ADAMTS9: variants seen among roughly 807,000 people sequenced by gnomAD.
ADAMTS9 encodes the protein A disintegrin and metalloproteinase with thrombospondin motifs 9.
In ADAMTS9, 107 loss-of-function variants were observed where a neutral mutation model predicts 257.1. The observed-to-expected ratio is 0.42, with a 90% CI of 0.36 to 0.49. The LOEUF (loss-of-function observed/expected upper bound fraction) is 0.49, where lower values mean the gene tolerates loss of function less well. ADAMTS9 is among the 20% of genes least tolerant of loss of function. The pLI, the probability that ADAMTS9 is intolerant of heterozygous loss-of-function variation, is 0.03. For missense variants in ADAMTS9, 2,353 were observed against 2,469.1 expected (o/e 0.95, Z 1.00); for synonymous variants, 982 against 880.9 (o/e 1.11, Z -2.03).
chr3:64,581,393 T>C (rs1354641804), intron 28 of ADAMTS9, among the ~76,000 whole-genome samples: 1 of 152,110 alleles, frequency 6.6e-6, no homozygotes, highest in Admixed American at 6.6e-5. Context: ...AATCTATTTA[T>C]TTATTTATTT....
At chr3:64,673,832 A>C (rs1701555485) in intron 3 of ADAMTS9, among the ~76,000 whole-genome samples, 2 of 152,228 alleles carry the variant, frequency 1.3e-5, no homozygotes, top group South Asian at 4.1e-4. Context: ...AGCATAAAGA[A>C]AAATAAGCAA....
intron 32 of ADAMTS9, among the ~76,000 whole-genome samples, chr3:64,543,448 C>A (rs1355277801): frequency 6.6e-6 from 1 of 152,194 alleles, no homozygotes; most frequent in African/African-American, 2.4e-5. Flanking sequence ...CCCTGGGATG[C>A]AAGGCTGGTT....
chr3:64,666,803 A>T (rs190099931), intron 3 of ADAMTS9, among the ~76,000 whole-genome samples: 79 of 152,300 alleles, frequency 5.2e-4, no homozygotes, highest in African/African-American at 1.5e-3. Flanking sequence ...AAAACATCTG[A>T]TCTTTATAAA....
Position 64,547,821 on chromosome 3 carries a change from C to T in ADAMTS9, c.4870-869G>A, listed in dbSNP as rs1005227548. On this transcript the variant is annotated intron_variant, in intron 31 of 39. Transcript: ENST00000498707. ...ACAGAAATGCAGAAGAAATACACATCGTTATAGTGTCCCAACTTTCAACCT... is the reference window on the plus strand; with the variant it reads ...ACAGAAATGCAGAAGAAATACACATTGTTATAGTGTCCCAACTTTCAACCT... 5.3e-5 allele frequency among the ~76,000 whole-genome samples: 8 copies of T among 151,888 alleles called. No individual in the cohort carries two copies. The East Asian group carries it at 7.7e-4, about 15-fold the overall frequency.
chr3:64,677,892 C>G (rs1002560427), intron 3 of ADAMTS9, among the ~76,000 whole-genome samples: 4 of 152,226 alleles, frequency 2.6e-5, no homozygotes, highest in South Asian at 2.1e-4. Context: ...AGAAACGGAA[C>G]TGTAGACTCC....
intron 22 of ADAMTS9, among the ~76,000 whole-genome samples, chr3:64,611,235 A>G (rs2084661353): frequency 6.6e-6 from 1 of 152,222 alleles, no homozygotes; most frequent in Non-Finnish European, 1.5e-5. Flanking sequence ...CCAAAGGTAG[A>G]AACAACCGAA....
intron 26 of ADAMTS9, among the ~76,000 whole-genome samples, chr3:64,597,277 AC>A (rs1395162990): frequency 1.3e-5 from 2 of 152,180 alleles, no homozygotes; most frequent in African/African-American, 2.4e-5. Context: ...AAAGCAGGCC[AC>A]TTACTGTCTT....
intron 20 of ADAMTS9, 90 bp from the exon 21 acceptor site, chr3:64,615,575 T>C (rs188983497): frequency 1.6e-4 from 210 of 1,344,298 alleles, no homozygotes; most frequent in Middle Eastern, 1.3e-3. Flanking sequence ...TTCCAGCTCT[T>C]AAGAAACAAC....
At chr3:64,552,197 T>C (rs549893235) in intron 30 of ADAMTS9, among the ~76,000 whole-genome samples, 51 of 152,362 alleles carry the variant, frequency 3.3e-4, no homozygotes, top group Admixed American at 9.8e-4. Flanking sequence ...CTTTGTGAGG[T>C]AGACGGGACA....
intron 37 of ADAMTS9, among the ~76,000 whole-genome samples, chr3:64,537,675 G>A (rs573884317): frequency 6.6e-6 from 1 of 152,296 alleles, no homozygotes; most frequent in East Asian, 1.9e-4. Flanking sequence ...CAGGGCTTGG[G>A]ATTCTGAACG....
At chr3:64,586,272 G>A (rs998180177) in intron 28 of ADAMTS9, among the ~76,000 whole-genome samples, 9 of 151,924 alleles carry the variant, frequency 5.9e-5, no homozygotes, top group African/African-American at 2.2e-4. Flanking sequence ...CAAAATGTAA[G>A]TGGTTGTTAT....
chr3:64,661,388 C>A (rs888274314), intron 3 of ADAMTS9, among the ~76,000 whole-genome samples: 3 of 152,152 alleles, frequency 2.0e-5, no homozygotes, highest in Non-Finnish European at 2.9e-5. Flanking sequence ...ATTAAACAAG[C>A]ACCTACTATG....
Position 64,675,083 on chromosome 3 carries a change from T to G in ADAMTS9, c.679+6118A>C, listed in dbSNP as rs1701593367. Among the ~76,000 whole-genome samples the G allele has an allele frequency of 2.0e-5, 3 of 152,198 alleles. No homozygotes were observed. The South Asian group carries it at 6.2e-4, about 32-fold the overall frequency. ...TAATTCATATATGAATGCAGTCAAA[T>G]CAATACCGAGGCCAAAAAATATCCC... On this transcript the variant is annotated intron_variant, in intron 3 of 39. Transcript: ENST00000498707.
chr3:64,526,326 C>A (rs1170665136), intron 38 of ADAMTS9, among the ~76,000 whole-genome samples: 2 of 151,458 alleles, frequency 1.3e-5, no homozygotes, highest in Non-Finnish European at 2.9e-5. Flanking sequence ...GATAAAAATA[C>A]CAAAGAAAGA....
At chr3:64,622,735 G>A (rs893887519) in intron 16 of ADAMTS9, 149 bp from the exon 17 acceptor site, 25 of 747,370 alleles carry the variant, frequency 3.3e-5, no homozygotes, top group Non-Finnish European at 4.5e-5. Context: ...TCCCAAGTTT[G>A]CTACTTGCCA....
At chr3:64,563,368 C>G (rs188881809) in intron 29 of ADAMTS9, 1 of 152,024 alleles carries the variant, frequency 6.6e-6, no homozygotes, top group South Asian at 2.1e-4. Flanking sequence ...TAAAAGAGCA[C>G]GTTTCTGGAA....
chr3:64,638,911 C>G (rs1286272775), intron 12 of ADAMTS9, among the ~76,000 whole-genome samples: 1 of 152,002 alleles, frequency 6.6e-6, no homozygotes, highest in Non-Finnish European at 1.5e-5. Context: ...TAGAGACATA[C>G]CTTGTACCTT....
rs17071106 is a variant in ADAMTS9 at position 64,567,368 on chromosome 3, G to A, written c.4524+1000C>T. 5.2e-3 allele frequency among the ~76,000 whole-genome samples: 797 copies of A among 152,228 alleles called. 4 individuals are homozygous for A. Among genetic ancestry groups the A allele is most frequent in the African/African-American group, 0.017 (686 of 41,534 alleles). ...TGATTCTCCACTGCATGGAAGCACC[G>A]GAAATACAGTAAAACTTCATTGATT... is the stretch of plus-strand genomic sequence containing the variant. On this transcript the variant is annotated intron_variant, in intron 29 of 39. Coordinates refer to ENST00000498707, the MANE Select transcript of ADAMTS9 (RefSeq NM_182920.2).
chr3:64,679,659 T>C (rs955617405), intron 3 of ADAMTS9, among the ~76,000 whole-genome samples: 1 of 152,234 alleles, frequency 6.6e-6, no homozygotes, highest in Non-Finnish European at 1.5e-5. Flanking sequence ...TCTGAATATA[T>C]ACTAATAAGA....
Sources: gnomAD v4.1 joint callset for allele counts (sites outside exome capture counted in the v4.1 genomes callset) on GRCh38, gnomAD v4.1.1 for gene constraint, MANE v1.5 for transcripts, NCBI Gene and HGNC (gene_info 2026-07-23, HGNC 2026-07-21) for gene names.